CSMD1: variants seen among roughly 807,000 people sequenced by gnomAD.
CSMD1 encodes CUB and Sushi multiple domains 1.
CSMD1 carries 213 observed loss-of-function variants against 417.5 expected under a neutral mutation model. That is an observed-to-expected ratio of 0.51 (90% CI 0.46 to 0.57). The LOEUF (loss-of-function observed/expected upper bound fraction) is 0.57. Among genes scored for constraint, CSMD1 ranks in the 20% least tolerant of loss-of-function variants. The pLI is 0.00. For missense variants in CSMD1, 6,923 were observed against 4,529.7 expected, an observed-to-expected ratio of 1.53 and a Z score of -15.17; for synonymous variants, 2,862 against 1,736.8, an observed-to-expected ratio of 1.65 and a Z score of -16.11.
At chr8:3,672,509 T>G (rs764901241) in intron 7 of CSMD1, among the ~76,000 whole-genome samples, 2 of 152,214 alleles carry the variant, frequency 1.3e-5, no homozygotes, top group Non-Finnish European at 2.9e-5. Flanking sequence ...AATATTTAGA[T>G]TATATAAACT....
At chr8:4,237,345 A>G (rs548322565) in intron 3 of CSMD1, among the ~76,000 whole-genome samples, 1 of 152,130 alleles carries the variant, frequency 6.6e-6, no homozygotes, top group South Asian at 2.1e-4. Flanking sequence ...TAATCCTTCA[A>G]CAGAAAACAT....
intron 37 of CSMD1, among the ~76,000 whole-genome samples, chr8:3,178,717 T>A (rs534248690): frequency 6.6e-6 from 1 of 152,174 alleles, no homozygotes; most frequent in Non-Finnish European, 1.5e-5. Flanking sequence ...AGACCTGGCA[T>A]AGAGTAAGCG....
At chr8:4,585,645 A>G (rs1799662147) in intron 2 of CSMD1, among the ~76,000 whole-genome samples, 1 of 152,202 alleles carries the variant, frequency 6.6e-6, no homozygotes, top group Admixed American at 6.5e-5. Context: ...CAAAGAAGCA[A>G]CAATAAAAGT....
intron 5 of CSMD1, among the ~76,000 whole-genome samples, chr8:3,830,845 T>A (rs1271521940): frequency 6.6e-6 from 1 of 152,226 alleles, no homozygotes; most frequent in Non-Finnish European, 1.5e-5. Context: ...CTTTCATGCA[T>A]GCCTAATGAC....
At chr8:4,115,611 G>A (rs76290942) in intron 3 of CSMD1, among the ~76,000 whole-genome samples, 5 of 151,906 alleles carry the variant, frequency 3.3e-5, no homozygotes, top group East Asian at 1.9e-4. Context: ...AAATATATAC[G>A]TGATCAAACT....
chr8:4,276,564 A>T (rs1274386085), intron 3 of CSMD1, among the ~76,000 whole-genome samples: 1 of 152,170 alleles, frequency 6.6e-6, no homozygotes, highest in African/African-American at 2.4e-5. Context: ...CACGTTCTGC[A>T]CATGTACCCC....
At chr8:3,075,275 TCTTTC>T (rs372679005) in intron 49 of CSMD1, among the ~76,000 whole-genome samples, 69,133 of 141,758 alleles carry the variant, frequency 0.49, 17,668 homozygotes, top group Non-Finnish European at 0.56. Context: ...TTCTTTTCTT[TCTTTC>T]TTTTTTTTTT....
At chr8:3,898,888 G>T (rs1006146013) in intron 5 of CSMD1, among the ~76,000 whole-genome samples, 1 of 152,122 alleles carries the variant, frequency 6.6e-6, no homozygotes. Context: ...CCCCTTAGGG[G>T]TTACAGTCAT....
intron 1 of CSMD1, among the ~76,000 whole-genome samples, chr8:4,824,554 A>T (rs929841567): frequency 6.6e-6 from 1 of 152,166 alleles, no homozygotes; most frequent in Non-Finnish European, 1.5e-5. Context: ...TAATAATTAC[A>T]CCACGGAAAC....
intron 5 of CSMD1, among the ~76,000 whole-genome samples, chr8:3,994,005 G>A (rs111960428): frequency 1.6e-4 from 24 of 152,284 alleles, no homozygotes; most frequent in South Asian, 4.1e-4. Flanking sequence ...GGGGATGGGC[G>A]TGCCTGGCAG....
intron 5 of CSMD1, among the ~76,000 whole-genome samples, chr8:3,774,327 A>G (rs549113901): frequency 5.5e-4 from 84 of 152,252 alleles, no homozygotes; most frequent in African/African-American, 1.4e-3. Flanking sequence ...TAGAGTACAC[A>G]GTGCCTGAGG....
At chr8:3,766,935 C>T (rs374968350) in intron 5 of CSMD1, among the ~76,000 whole-genome samples, 51 of 152,188 alleles carry the variant, frequency 3.4e-4, no homozygotes, top group African/African-American at 1.1e-3. Flanking sequence ...CCAACGAGTC[C>T]GACGGCAACA....
intron 14 of CSMD1, among the ~76,000 whole-genome samples, chr8:3,407,105 G>T (rs1234883956): frequency 6.6e-6 from 1 of 152,068 alleles, no homozygotes; most frequent in Non-Finnish European, 1.5e-5. Context: ...AGGGATGGAT[G>T]GAAAGATGAA....
At chr8:3,988,204 C>A (rs1238973163) in intron 5 of CSMD1, among the ~76,000 whole-genome samples, 1 of 152,096 alleles carries the variant, frequency 6.6e-6, no homozygotes, top group Admixed American at 6.5e-5. Context: ...CCTGGTGAGT[C>A]TGTGAATCCT....
At chr8:3,031,152 C>G (rs534552241) in intron 50 of CSMD1, among the ~76,000 whole-genome samples, 44 of 151,958 alleles carry the variant, frequency 2.9e-4, no homozygotes, top group African/African-American at 9.7e-4. Flanking sequence ...GGCTTTTAGC[C>G]TCATAAATTT....
intron 3 of CSMD1, among the ~76,000 whole-genome samples, chr8:4,090,080 A>G (rs1422559103): frequency 6.6e-6 from 1 of 152,246 alleles, no homozygotes; most frequent in Non-Finnish European, 1.5e-5. Context: ...AGCAAAACTT[A>G]ACTTACACTT....
At chr8:3,669,704 A>G (rs2117514220) in intron 7 of CSMD1, among the ~76,000 whole-genome samples, 1 of 152,160 alleles carries the variant, frequency 6.6e-6, no homozygotes, top group Admixed American at 6.5e-5. Context: ...TATGCTAGGA[A>G]CTGGGTACAA....
intron 6 of CSMD1, among the ~76,000 whole-genome samples, chr8:3,727,362 G>T (rs1246138872): frequency 2.0e-5 from 3 of 152,152 alleles, no homozygotes; most frequent in Non-Finnish European, 4.4e-5. Flanking sequence ...CCTACAGAGG[G>T]TGCCAGAGAG....
chr8:4,402,493 C>G (rs940945034), intron 3 of CSMD1, among the ~76,000 whole-genome samples: 1 of 152,132 alleles, frequency 6.6e-6, no homozygotes, highest in Non-Finnish European at 1.5e-5. Flanking sequence ...ATGACCACTC[C>G]TCTCCCAAGC....
Sources: gnomAD v4.1 joint callset for allele counts (sites outside exome capture counted in the v4.1 genomes callset) on GRCh38, gnomAD v4.1.1 for gene constraint, MANE v1.5 for transcripts, NCBI Gene and HGNC (gene_info 2026-07-23, HGNC 2026-07-21) for gene names.